Variants in CSMD3 observed in about 807,000 individuals in gnomAD.
CSMD3 encodes CUB and sushi domain-containing protein 3.
A neutral mutation model predicts 435.2 loss-of-function variants in CSMD3; 177 were observed. That is an observed-to-expected ratio of 0.41 (90% CI 0.36 to 0.46). CSMD3 has a LOEUF of 0.46. Ranked by LOEUF, CSMD3 falls within the 20% of genes least tolerant of loss-of-function variation. CSMD3 has a pLI of 0.34. For synonymous variants in CSMD3, 1,656 were observed against 1,520.5 expected (o/e 1.09, Z -2.07); for missense variants, 4,265 against 4,504.6 (o/e 0.95, Z 1.52).
chr8:113,214,362 T>C (rs2092876187), intron 3 of CSMD3, among the ~76,000 whole-genome samples: 1 of 151,984 alleles, frequency 6.6e-6, no homozygotes, highest in African/African-American at 2.4e-5. Context: ...GTTATTGGGT[T>C]CATTCATGCT....
intron 22 of CSMD3, among the ~76,000 whole-genome samples, chr8:112,589,254 T>C (rs935511339): frequency 6.6e-6 from 1 of 152,130 alleles, no homozygotes; most frequent in African/African-American, 2.4e-5. Context: ...TTCTCTGCCA[T>C]GGACCTTGCA....
At chr8:113,406,877 T>C (rs16884610) in intron 1 of CSMD3, among the ~76,000 whole-genome samples, 1,898 of 152,198 alleles carry the variant, frequency 0.012, 46 homozygotes, top group African/African-American at 0.044. Context: ...GAACTGCAAG[T>C]GTTTCAAAAA....
intron 65 of CSMD3, 117 bp downstream of exon 65, chr8:112,244,277 A>C (rs907910272): frequency 2.5e-6 from 2 of 814,348 alleles, no homozygotes; most frequent in Admixed American, 3.8e-5. Flanking sequence ...CTAGACTTGG[A>C]GTTAGCCAAC....
intron 2 of CSMD3, among the ~76,000 whole-genome samples, chr8:113,302,344 T>C (rs1238540317): frequency 1.5e-5 from 2 of 133,802 alleles, no homozygotes; most frequent in South Asian, 4.3e-4. Context: ...TAATAAAAAA[T>C]ATTAGGAAGA....
At chr8:112,966,484 T>A (rs181936166) in intron 7 of CSMD3, among the ~76,000 whole-genome samples, 109 of 151,498 alleles carry the variant, frequency 7.2e-4, no homozygotes, top group African/African-American at 2.5e-3. Context: ...TTTTTCATTT[T>A]TAAAAATTTT....
rs1271523966 is a variant in CSMD3 at position 112,244,515 on chromosome 8, A to C, written c.10281T>G (p.Leu3427=). The C allele has an allele frequency of 1.2e-6, 2 of 1,613,746 alleles. No individual in the cohort carries two copies. Among genetic ancestry groups the C allele is most frequent in the Admixed American group, 3.3e-5 (2 of 59,966 alleles). The change falls in exon 65 of 71, where the codon CTT becomes CTG. Residue 3427 remains leucine, a synonymous_variant. Transcript: ENST00000297405. The part of the protein sequence containing the change: ...PAHANVVGMD[L]PSHGYTLIYT... Reference sequence around the variant, plus strand: ...AAATCAGTGTATACCCATGAGATGGAAGGTCCATCCCTACGACATTTGCAT... The same window carrying C: ...AAATCAGTGTATACCCATGAGATGGCAGGTCCATCCCTACGACATTTGCAT...
At chr8:112,349,970 A>AT (rs1030809941) in intron 40 of CSMD3, among the ~76,000 whole-genome samples, 2 of 152,120 alleles carry the variant, frequency 1.3e-5, no homozygotes, top group Non-Finnish European at 2.9e-5. Context: ...AAATGAGGTC[A>AT]TAAGAGGAGG....
At chr8:113,062,008 A>T (rs955702817) in intron 5 of CSMD3, among the ~76,000 whole-genome samples, 2 of 151,442 alleles carry the variant, frequency 1.3e-5, no homozygotes, top group Non-Finnish European at 3.0e-5. Flanking sequence ...ACACCAGTTA[A>T]GCAATCTTAG....
At chr8:112,462,654 TAAC>T (rs1353327815) in intron 32 of CSMD3, among the ~76,000 whole-genome samples, 2 of 150,088 alleles carry the variant, frequency 1.3e-5, no homozygotes, top group Non-Finnish European at 2.9e-5. Flanking sequence ...GATAATATAA[TAAC>T]AACAGAAAGA....
chr8:112,315,214 T>C, intron 47 of CSMD3, among the ~76,000 whole-genome samples: 1 of 151,932 alleles, frequency 6.6e-6, no homozygotes, highest in East Asian at 1.9e-4. Flanking sequence ...CAAACTCTTT[T>C]TATTTAATAA....
rs138730914 is a variant in CSMD3, at chr8:113,314,952, T to C, written c.179-159A>G. On this transcript the variant is annotated intron_variant, in intron 1 of 70. Transcript: ENST00000297405. ...GCTGGGCACTATATACAAATATATA[T>C]GTAAAATATAAGAAACAAAATAATA... Among the ~76,000 whole-genome samples, 1,089 of 152,278 alleles carry C rather than the reference T, an allele frequency of 7.2e-3. 10 individuals are homozygous for C. Among genetic ancestry groups the C allele is most frequent in the African/African-American group, 0.025 (1,047 of 41,574 alleles).
rs779974463 is a variant in CSMD3, at chr8:112,408,323, T to C, written c.5600A>G (p.Tyr1867Cys). 3 of 1,591,318 alleles carry C rather than the reference T, an allele frequency of 1.9e-6. No homozygotes were observed. Among genetic ancestry groups the C allele is most frequent in the African/African-American group, 2.7e-5 (2 of 74,430 alleles). The change falls in exon 34 of 71, where the codon TAC becomes TGC. Residue 1867 changes from tyrosine to cysteine, a missense_variant. By Grantham distance (194) the Tyr-to-Cys change is radical (BLOSUM62 -2). Transcript: ENST00000297405. ...TAGACTACAGGGTCACTTACCTTGGTAAACAAAGTGAAATCCCTTAGCTGT... is the reference window on the plus strand; with the variant it reads ...TAGACTACAGGGTCACTTACCTTGGCAAACAAAGTGAAATCCCTTAGCTGT... ...PITAKGFHFV[Y>C]QAVPRTSSTQ... is the part of the protein sequence containing the mutation.
intron 30 of CSMD3, 63 bp from the exon 31 acceptor site, chr8:112,492,746 T>C (rs1370594057): frequency 3.9e-6 from 5 of 1,298,200 alleles, no homozygotes; most frequent in Non-Finnish European, 5.6e-6. Flanking sequence ...CCGTAATACA[T>C]GGGTTCTGCA....
chr8:112,269,601 G>A (rs1222099531), intron 59 of CSMD3, among the ~76,000 whole-genome samples: 2 of 152,096 alleles, frequency 1.3e-5, no homozygotes, highest in Non-Finnish European at 2.9e-5. Flanking sequence ...TGGGCTCTAG[G>A]TAACAGAGGT....
At position 112,918,094 on chromosome 8, in the gene CSMD3, C is replaced by T. The variant is rs186903021; in HGVS notation, c.1633+3533G>A. Among the ~76,000 whole-genome samples the T allele has an allele frequency of 3.8e-4, 57 of 151,870 alleles. No homozygotes were observed. The East Asian group carries it at 6.0e-3, about 16-fold the overall frequency. On this transcript the variant is annotated intron_variant, in intron 10 of 70. Coordinates refer to ENST00000297405, the MANE Select transcript of CSMD3 (RefSeq NM_198123.2). ...TATATATTATCTAGTTTTGTGTTTA[C>T]GCCTTATAAATCAATACAAAATAAT...
chr8:113,042,138 G>A (rs564105059), intron 5 of CSMD3, among the ~76,000 whole-genome samples: 2 of 151,940 alleles, frequency 1.3e-5, no homozygotes, highest in Non-Finnish European at 2.9e-5. Flanking sequence ...GTATGTTTTT[G>A]TAAATTTTTA....
At chr8:113,413,162 A>G (rs2094566938) in intron 1 of CSMD3, among the ~76,000 whole-genome samples, 1 of 152,162 alleles carries the variant, frequency 6.6e-6, no homozygotes, top group Non-Finnish European at 1.5e-5. Flanking sequence ...ATTATATAGC[A>G]AGGTCACTGG....
At chr8:112,898,494 A>T (rs2082013981) in intron 10 of CSMD3, among the ~76,000 whole-genome samples, 1 of 151,244 alleles carries the variant, frequency 6.6e-6, no homozygotes, top group South Asian at 2.1e-4. Context: ...AATGGACGCT[A>T]TATTTAACTT....
chr8:112,959,676 T>C (rs549012395), intron 7 of CSMD3, among the ~76,000 whole-genome samples: 2 of 151,894 alleles, frequency 1.3e-5, no homozygotes, highest in African/African-American at 4.8e-5. Context: ...TTTTACTTTA[T>C]AGTAAACTAA....
Sources: allele counts gnomAD v4.1 joint callset (sites outside exome capture counted in the v4.1 genomes callset), GRCh38; gene constraint gnomAD v4.1.1; transcripts MANE v1.5; gene names NCBI Gene and HGNC (gene_info 2026-07-23, HGNC 2026-07-21).